The following URAD variants were observed in gnomAD, a reference collection of about 807,000 sequenced individuals.
The protein encoded by URAD is ureidoimidazoline (2-oxo-4-hydroxy-4-carboxy-5-) decarboxylase.
URAD carries 4 observed loss-of-function variants against 4.6 expected under a neutral mutation model. The observed-to-expected ratio is 0.87, with a 90% CI of 0.43 to 1.98. The LOEUF is 1.98. URAD is among the 30% of genes most tolerant of loss of function. The pLI is 0.03. For synonymous variants in URAD, 144 were observed against 118.2 expected (o/e 1.22, Z -1.41); for missense variants, 300 against 255.3 (o/e 1.18, Z -1.19).
Position 27,978,309 on chromosome 13 carries a change from G to A in URAD, c.319C>T (p.Leu107Phe), listed in dbSNP as rs1324156263. Residue 107 changes from leucine to phenylalanine, a missense_variant, in exon 2 of 2, where the codon CTC (leucine) becomes TTC (phenylalanine). Coordinates refer to ENST00000332715, the MANE Select transcript of URAD (RefSeq NM_001105577.2). ...GADERLRLAE[L>F]NAQYRARFGF... Reference sequence around the variant, plus strand: ...AAGCGCGCGCGGTACTGCGCGTTGAGCTCGGCCAGCCGCAGCCGCTCGTCC... The same window carrying A: ...AAGCGCGCGCGGTACTGCGCGTTGAACTCGGCCAGCCGCAGCCGCTCGTCC... 2 of 1,400,398 alleles carry A rather than the reference G, an allele frequency of 1.4e-6. No homozygotes were observed. The highest frequency in any genetic ancestry group is 1.8e-6 in the Non-Finnish European group (2 of 1,085,354). The allele number at this position is 1,400,398 out of a possible 1,614,324, so 86.7% of individuals were successfully genotyped here.
At chr13:27,985,804 A>G (rs1228319356) in intron 1 of URAD, among the ~76,000 whole-genome samples, 1 of 152,118 alleles carries the variant, frequency 6.6e-6, no homozygotes, top group Admixed American at 6.6e-5. Flanking sequence ...CAGTTTTCCC[A>G]TCGGTAAGAA....
At chr13:27,981,660 C>A (rs1194466652) in intron 1 of URAD, among the ~76,000 whole-genome samples, 1 of 152,140 alleles carries the variant, frequency 6.6e-6, no homozygotes, top group Admixed American at 6.5e-5. Flanking sequence ...TGGTCCATAC[C>A]CAGTGGTATC....
intron 1 of URAD, 103 bp downstream of exon 1, chr13:27,988,360 G>A (rs1870096929): frequency 1.7e-5 from 20 of 1,196,210 alleles, no homozygotes; most frequent in African/African-American, 4.6e-5. Context: ...CCAAAGTGCT[G>A]GGATTACAGG....
At position 27,978,163 on chromosome 13, in the gene URAD, C is replaced by G; in HGVS notation, c.465G>C (p.Lys155Asn). Residue 155 changes from lysine to asparagine, a missense_variant, in exon 2 of 2, where the codon AAG becomes AAC. Coordinates refer to ENST00000332715, the MANE Select transcript of URAD (RefSeq NM_001105577.2). ...CGGCCAGGCGCAGGCTGCCGATCTT[C>G]TTCACCTCGCCCAGAGCAGTGCGCA... ...QELRTALGEVKKIGSLRLADL... is the reference protein window; with the variant it reads ...QELRTALGEVNKIGSLRLADL... 1 of 1,534,980 alleles carries G rather than the reference C, an allele frequency of 6.5e-7. No homozygotes were observed.
intron 1 of URAD, among the ~76,000 whole-genome samples, chr13:27,983,198 G>A (rs150540157): frequency 1.8e-3 from 281 of 151,988 alleles, no homozygotes; most frequent in African/African-American, 6.3e-3. Context: ...CAAAAATGTC[G>A]AGTTCATCCT....
At chr13:27,981,250 C>A (rs1429896238) in intron 1 of URAD, among the ~76,000 whole-genome samples, 1 of 152,168 alleles carries the variant, frequency 6.6e-6, no homozygotes, top group Non-Finnish European at 1.5e-5. Context: ...TCCCTGCCAG[C>A]GCCAGTATGC....
At chr13:27,981,610 C>T (rs995517573) in intron 1 of URAD, among the ~76,000 whole-genome samples, 1 of 152,212 alleles carries the variant, frequency 6.6e-6, no homozygotes, top group East Asian at 1.9e-4. Flanking sequence ...GCAATTGTGG[C>T]CATGGAAGCT....
chr13:27,978,157 G>C lies in URAD; in HGVS notation c.471C>G (p.Ile157Met). The C allele has an allele frequency of 6.5e-7, 1 of 1,534,732 alleles. No homozygotes were observed. The highest frequency in any genetic ancestry group is 8.7e-7 in the Non-Finnish European group (1 of 1,153,534). ...LRTALGEVKK[I>M]GSLRLADLLR... ...GGAGGTCGGCCAGGCGCAGGCTGCC[G>C]ATCTTCTTCACCTCGCCCAGAGCAG... The change falls in exon 2 of 2, where the codon ATC becomes ATG. Residue 157 changes from isoleucine (I) to methionine (M), a missense_variant. Ile to Met is a conservative substitution (Grantham distance 10). Transcript: ENST00000332715.
At chr13:27,980,781 C>G (rs955972419) in intron 1 of URAD, among the ~76,000 whole-genome samples, 3 of 152,104 alleles carry the variant, frequency 2.0e-5, no homozygotes, top group African/African-American at 4.8e-5. Flanking sequence ...TGGCGTACCC[C>G]GAGCCCCCTT....
intron 1 of URAD, among the ~76,000 whole-genome samples, chr13:27,984,107 G>A (rs1416661176): frequency 6.6e-6 from 1 of 152,106 alleles, no homozygotes; most frequent in East Asian, 1.9e-4. Context: ...GTGTGCAGTG[G>A]TGCAATCATG....
chr13:27,986,178 A>G (rs993531789), intron 1 of URAD, among the ~76,000 whole-genome samples: 4 of 152,122 alleles, frequency 2.6e-5, no homozygotes, highest in African/African-American at 9.7e-5. Flanking sequence ...CTGACCTACC[A>G]CTGAGTCACC....
rs7339283 is a variant in URAD, at chr13:27,988,664, G to A, written c.-27C>T. 0.01 allele frequency: 16,089 copies of A among 1,556,788 alleles called. 1,278 individuals carry two copies. The African/African-American group carries it at 0.18, about 18-fold the overall frequency. ...CCTTGTATTCCACTGGAGACAGCGG[G>A]ACGTCCAGCTCCCCTCTCGGTGAGT... On this transcript the variant is annotated 5_prime_UTR_variant, in exon 1 of 2. Transcript: ENST00000332715.
At chr13:27,983,583 C>T (rs377517198) in intron 1 of URAD, among the ~76,000 whole-genome samples, 2 of 152,120 alleles carry the variant, frequency 1.3e-5, no homozygotes, top group African/African-American at 4.8e-5. Context: ...TATTTCTCAT[C>T]CTTTGGTCTT....
intron 1 of URAD, among the ~76,000 whole-genome samples, chr13:27,981,650 T>C (rs932560728): frequency 6.6e-6 from 1 of 152,214 alleles, no homozygotes; most frequent in African/African-American, 2.4e-5. Context: ...AACTGCCTCC[T>C]GGTCCATACC....
chr13:27,982,201 C>T (rs889560867), intron 1 of URAD, among the ~76,000 whole-genome samples: 26 of 152,152 alleles, frequency 1.7e-4, no homozygotes, highest in African/African-American at 5.8e-4. Context: ...GAGGCCGAGG[C>T]GGGTGGATCA....
intron 1 of URAD, among the ~76,000 whole-genome samples, chr13:27,984,400 G>C (rs775580007): frequency 6.6e-6 from 1 of 152,176 alleles, no homozygotes; most frequent in Non-Finnish European, 1.5e-5. Flanking sequence ...GGCTGGAGAA[G>C]GTACTTTGCC....
intron 1 of URAD, among the ~76,000 whole-genome samples, chr13:27,983,281 G>A (rs1869927010): frequency 6.6e-6 from 1 of 152,096 alleles, no homozygotes; most frequent in Non-Finnish European, 1.5e-5. Flanking sequence ...CCAGGCTGGA[G>A]TGCAGTGGTG....
intron 1 of URAD, among the ~76,000 whole-genome samples, chr13:27,984,458 C>T (rs1194269426): frequency 1.3e-5 from 2 of 152,106 alleles, no homozygotes; most frequent in Non-Finnish European, 2.9e-5. Flanking sequence ...ACCTACTGGC[C>T]AATAATCATC....
Position 27,978,263 on chromosome 13 carries a change from G to T in URAD, c.365C>A (p.Ala122Asp). The change falls in exon 2 of 2, where the codon GCC becomes GAC. Residue 122 changes from alanine (A) to aspartate (D), a missense_variant. Physicochemically the swap from Ala to Asp is moderately radical, Grantham distance 126. Coordinates refer to ENST00000332715, the MANE Select transcript of URAD (RefSeq NM_001105577.2). ...CGCCGTCCGGTCGCTGAAGCGCGCG[G>T]CGAGCACGAAGGGGAAACCGAAGCG... Reference protein sequence around the residue: ...RARFGFPFVLAARFSDRTAVP... With the variant: ...RARFGFPFVLDARFSDRTAVP... The T allele has an allele frequency of 7.0e-7, 1 of 1,438,502 alleles. No homozygotes were observed. Among genetic ancestry groups the T allele is most frequent in the Admixed American group, 3.0e-5 (1 of 33,718 alleles). 89.1% of individuals were successfully genotyped at this position (1,438,502 alleles called of 1,614,324 possible). A position where few individuals can be genotyped will look rare whatever the true frequency, so the allele number is the denominator to read the frequency against.
Sources: gnomAD v4.1 joint callset for allele counts (sites outside exome capture counted in the v4.1 genomes callset) on GRCh38, gnomAD v4.1.1 for gene constraint, MANE v1.5 for transcripts, NCBI Gene and HGNC (gene_info 2026-07-23, HGNC 2026-07-21) for gene names.